The following DGKI variants were observed in gnomAD, a reference collection of about 807,000 sequenced individuals.
The protein encoded by DGKI is diacylglycerol kinase iota, also known as DAG kinase iota.
Under a neutral mutation model 147.5 loss-of-function variants are expected in DGKI, and 55 were observed. That is an observed-to-expected ratio of 0.37 (90% CI 0.30 to 0.47). DGKI has a LOEUF of 0.47. Ranked by LOEUF, DGKI falls within the 20% of genes least tolerant of loss-of-function variation. The pLI, the probability that DGKI is intolerant of heterozygous loss-of-function variation, is 1.00. For missense variants in DGKI, 1,007 were observed against 1,323.8 expected, an observed-to-expected ratio of 0.76 and a Z score of 3.71; for synonymous variants, 469 against 477.1, an observed-to-expected ratio of 0.98 and a Z score of 0.22.
intron 23 of DGKI, among the ~76,000 whole-genome samples, chr7:137,472,948 A>C (rs1815037942): frequency 6.6e-6 from 1 of 152,102 alleles, no homozygotes; most frequent in Non-Finnish European, 1.5e-5. Flanking sequence ...GGAATGCTTG[A>C]TTTATTGTTT....
At chr7:137,741,438 T>C (rs998530418) in intron 1 of DGKI, among the ~76,000 whole-genome samples, 1 of 152,174 alleles carries the variant, frequency 6.6e-6, no homozygotes, top group African/African-American at 2.4e-5. Flanking sequence ...AAGAAGAAAA[T>C]TAATCCCACA....
chr7:137,401,643 A>G (rs1366363158), intron 30 of DGKI, among the ~76,000 whole-genome samples: 2 of 152,210 alleles, frequency 1.3e-5, no homozygotes, highest in Non-Finnish European at 2.9e-5. Context: ...CATCTCCCCT[A>G]AGGAATTTCG....
At chr7:137,673,528 G>A (rs1034179839) in intron 3 of DGKI, among the ~76,000 whole-genome samples, 4 of 152,152 alleles carry the variant, frequency 2.6e-5, no homozygotes, top group African/African-American at 4.8e-5. Flanking sequence ...AATAAGAATC[G>A]CTGTGGTCTA....
chr7:137,726,363 C>T (rs2073170115), intron 1 of DGKI, among the ~76,000 whole-genome samples: 2 of 152,208 alleles, frequency 1.3e-5, no homozygotes, highest in South Asian at 2.1e-4. Flanking sequence ...TTTCTCCTGT[C>T]CTCCACTTTT....
intron 21 of DGKI, among the ~76,000 whole-genome samples, chr7:137,504,068 G>T (rs958157375): frequency 3.9e-5 from 6 of 152,246 alleles, no homozygotes; most frequent in African/African-American, 1.2e-4. Flanking sequence ...GATGACACAA[G>T]CCAAGGCCCT....
At chr7:137,761,830 T>C (rs1175278159) in intron 1 of DGKI, among the ~76,000 whole-genome samples, 1 of 152,178 alleles carries the variant, frequency 6.6e-6, no homozygotes, top group Admixed American at 6.6e-5. Context: ...ATCTGCCTAC[T>C]GTATATCTCC....
At chr7:137,594,488 G>A (rs188831767) in intron 12 of DGKI, among the ~76,000 whole-genome samples, 1 of 151,964 alleles carries the variant, frequency 6.6e-6, no homozygotes, top group Non-Finnish European at 1.5e-5. Context: ...AAACTAATAC[G>A]GTTATGGGGT....
At chr7:137,560,841 G>A (rs1054393168) in intron 19 of DGKI, among the ~76,000 whole-genome samples, 3 of 152,066 alleles carry the variant, frequency 2.0e-5, no homozygotes, top group Admixed American at 6.5e-5. Flanking sequence ...AGGGAACACA[G>A]GCCTACAAAC....
intron 13 of DGKI, among the ~76,000 whole-genome samples, chr7:137,586,508 C>T (rs1050016196): frequency 6.6e-6 from 1 of 151,930 alleles, no homozygotes; most frequent in Non-Finnish European, 1.5e-5. Context: ...ATATATTGCG[C>T]CTTCTTACTA....
At chr7:137,540,421 C>T (rs1817649071) in intron 20 of DGKI, among the ~76,000 whole-genome samples, 1 of 152,134 alleles carries the variant, frequency 6.6e-6, no homozygotes, top group African/African-American at 2.4e-5. Flanking sequence ...CACAGACATG[C>T]TGGACTATGT....
intron 27 of DGKI, among the ~76,000 whole-genome samples, chr7:137,449,896 C>T (rs968176047): frequency 3.3e-5 from 5 of 151,956 alleles, no homozygotes; most frequent in African/African-American, 1.2e-4. Flanking sequence ...TGTCCATCAA[C>T]GTACAAATGG....
At chr7:137,669,217 T>C (rs1208007111) in intron 3 of DGKI, among the ~76,000 whole-genome samples, 2 of 152,190 alleles carry the variant, frequency 1.3e-5, no homozygotes, top group Admixed American at 6.5e-5. Flanking sequence ...CTCGTGTTTT[T>C]AAAGCATCAC....
Position 137,521,865 on chromosome 7 carries a change from C to T in DGKI, c.2248+1G>A. On this transcript the variant is annotated splice_donor_variant, in intron 21 of 32. Coordinates refer to ENST00000614521, the MANE Select transcript of DGKI (RefSeq NM_001321708.2). LOFTEE classifies it high-confidence loss of function. Reference sequence around the variant, plus strand: ...AAATCAATGAGGCACTTCCAACTTACAAGCTTCTCGGAGTTTCTCCTTGTC... The same window carrying T: ...AAATCAATGAGGCACTTCCAACTTATAAGCTTCTCGGAGTTTCTCCTTGTC... 6.2e-7 allele frequency: 1 copy of T among 1,608,406 alleles called. No homozygotes were observed. The highest frequency in any genetic ancestry group is 8.5e-7 in the Non-Finnish European group (1 of 1,175,734).
At chr7:137,628,486 G>A (rs1217583041) in intron 6 of DGKI, among the ~76,000 whole-genome samples, 2 of 152,182 alleles carry the variant, frequency 1.3e-5, no homozygotes, top group African/African-American at 4.8e-5. Flanking sequence ...GCTATAGGAA[G>A]ACTCTGGCCA....
intron 23 of DGKI, among the ~76,000 whole-genome samples, chr7:137,472,280 T>TATAATATGTATATACATATAATA (rs1368982745): frequency 9.6e-5 from 3 of 31,278 alleles, no homozygotes; most frequent in South Asian, 1.2e-3. Context: ...ATACATATAA[T>TATAATATGTATATACATATAATA]ATTATATGTA....
At chr7:137,404,849 A>T (rs750613313) in intron 30 of DGKI, among the ~76,000 whole-genome samples, 1 of 152,152 alleles carries the variant, frequency 6.6e-6, no homozygotes. Flanking sequence ...GCAAGAGTCA[A>T]TGCGGGGTGA....
chr7:137,488,137 T>C (rs1399763415), intron 21 of DGKI, among the ~76,000 whole-genome samples: 1 of 152,208 alleles, frequency 6.6e-6, no homozygotes, highest in Non-Finnish European at 1.5e-5. Context: ...CACTTACTCC[T>C]TCCTTCCTGA....
intron 19 of DGKI, among the ~76,000 whole-genome samples, chr7:137,555,230 T>C (rs937009036): frequency 1.3e-5 from 2 of 151,356 alleles, no homozygotes; most frequent in African/African-American, 2.4e-5. Flanking sequence ...ATTTTCTTTA[T>C]TAAAAATAAG....
chr7:137,429,615 T>A (rs1249401962), intron 28 of DGKI, among the ~76,000 whole-genome samples: 2 of 151,452 alleles, frequency 1.3e-5, no homozygotes, highest in African/African-American at 2.4e-5. Flanking sequence ...AGTGAACAGG[T>A]AACCTACAAA....
Sources: gnomAD v4.1 joint callset for allele counts (sites outside exome capture counted in the v4.1 genomes callset) on GRCh38, gnomAD v4.1.1 for gene constraint, MANE v1.5 for transcripts, NCBI Gene and HGNC (gene_info 2026-07-23, HGNC 2026-07-21) for gene names.